Variants in KCTD8 observed in about 807,000 individuals in gnomAD.
KCTD8 encodes the protein potassium channel tetramerization domain containing 8, also known as BTB/POZ domain-containing protein KCTD8.
Under a neutral mutation model 31.5 loss-of-function variants are expected in KCTD8, and 27 were observed. The ratio of observed to expected loss-of-function variants is 0.86; its 90% confidence interval spans 0.63 to 1.18. The LOEUF is 1.18. Ranked by LOEUF, KCTD8 falls within the 50% of genes most tolerant of loss-of-function variation. KCTD8 has a pLI of 0.00. For missense variants in KCTD8, 658 were observed against 647.7 expected (o/e 1.02, Z -0.17); for synonymous variants, 290 against 280.0 (o/e 1.04, Z -0.36).
chr4:44,321,795 G>C (rs1161560318), intron 1 of KCTD8, among the ~76,000 whole-genome samples: 3 of 151,802 alleles, frequency 2.0e-5, no homozygotes, highest in African/African-American at 7.3e-5. Context: ...TACCTTTCTA[G>C]TCTCTACCTC....
At chr4:44,254,223 G>C (rs1376259706) in intron 1 of KCTD8, among the ~76,000 whole-genome samples, 1 of 151,878 alleles carries the variant, frequency 6.6e-6, no homozygotes, top group Admixed American at 6.6e-5. Context: ...GCAGAATCTA[G>C]AGGAAACATT....
At chr4:44,368,506 G>A (rs1719699502) in intron 1 of KCTD8, among the ~76,000 whole-genome samples, 1 of 152,196 alleles carries the variant, frequency 6.6e-6, no homozygotes, top group Admixed American at 6.5e-5. Context: ...GGTGAGATTA[G>A]GTGGAGGACC....
At chr4:44,305,720 T>C (rs1041879995) in intron 1 of KCTD8, among the ~76,000 whole-genome samples, 3 of 151,884 alleles carry the variant, frequency 2.0e-5, no homozygotes, top group African/African-American at 7.2e-5. Flanking sequence ...TGATATAGTA[T>C]ATGTGTGTAT....
In KCTD8 at chr4:44,447,014, C is replaced by T. The variant is rs562180213; in HGVS notation, c.961+549G>A. 1.1e-3 allele frequency among the ~76,000 whole-genome samples: 168 copies of T among 152,338 alleles called. 1 individual carries two copies. The highest frequency in any genetic ancestry group is 3.8e-3 in the African/African-American group (160 of 41,588). On this transcript the variant is annotated intron_variant, in intron 1 of 1. Coordinates refer to ENST00000360029, the MANE Select transcript of KCTD8 (RefSeq NM_198353.3). Reference sequence around the variant, plus strand: ...AGGGGCTCTGGGGGCACCTTTATCGCTTCTCCCCTGCCCTCTAGAAAACCA... The same window carrying T: ...AGGGGCTCTGGGGGCACCTTTATCGTTTCTCCCCTGCCCTCTAGAAAACCA...
intron 1 of KCTD8, among the ~76,000 whole-genome samples, chr4:44,312,750 T>A (rs1717991757): frequency 6.6e-6 from 1 of 152,200 alleles, no homozygotes; most frequent in Non-Finnish European, 1.5e-5. Context: ...TTTGTTGATA[T>A]TTTATACAGG....
chr4:44,254,835 A>T (rs1475039295), intron 1 of KCTD8, among the ~76,000 whole-genome samples: 1 of 151,870 alleles, frequency 6.6e-6, no homozygotes, highest in Non-Finnish European at 1.5e-5. Context: ...ACAGTCTGGT[A>T]TCATTTATTT....
chr4:44,382,380 C>T (rs1720090673), intron 1 of KCTD8, among the ~76,000 whole-genome samples: 2 of 151,858 alleles, frequency 1.3e-5, no homozygotes, highest in South Asian at 2.1e-4. Flanking sequence ...TATGACAAAC[C>T]CATGTTTAAC....
chr4:44,316,126 A>T (rs1718101584), intron 1 of KCTD8, among the ~76,000 whole-genome samples: 1 of 151,766 alleles, frequency 6.6e-6, no homozygotes, highest in African/African-American at 2.4e-5. Context: ...TTTCTGTCCA[A>T]ATTCTGTCAA....
chr4:44,319,684 G>A lies in KCTD8; in HGVS notation c.961+127879C>T, dbSNP rs1718237850. The stretch of plus-strand genomic sequence containing the variant: ...AGATGAGAAAATCTCAGAAAGGAAA[G>A]AAAAGAATCTGGAATTTGGAATGCC... On this transcript the variant is annotated intron_variant, in intron 1 of 1. Coordinates refer to ENST00000360029, the MANE Select transcript of KCTD8 (RefSeq NM_198353.3). Among the ~76,000 whole-genome samples, 5 of 152,116 alleles carry A rather than the reference G, an allele frequency of 3.3e-5. No homozygotes were observed. The South Asian group carries it at 1.0e-3, about 31-fold the overall frequency.
At chr4:44,406,889 C>T (rs1720810589) in intron 1 of KCTD8, among the ~76,000 whole-genome samples, 1 of 152,136 alleles carries the variant, frequency 6.6e-6, no homozygotes. Flanking sequence ...TTTAAAACTT[C>T]AAATCGGATA....
chr4:44,385,106 T>G (rs1720176037), intron 1 of KCTD8, among the ~76,000 whole-genome samples: 1 of 151,672 alleles, frequency 6.6e-6, no homozygotes, highest in Non-Finnish European at 1.5e-5. Context: ...TTTCATGGAT[T>G]GGAAGACGTA....
At chr4:44,397,493 A>G (rs1049554102) in intron 1 of KCTD8, among the ~76,000 whole-genome samples, 10 of 152,148 alleles carry the variant, frequency 6.6e-5, no homozygotes, top group Non-Finnish European at 5.9e-5. Context: ...ACACATATAA[A>G]CATACATACA....
intron 1 of KCTD8, among the ~76,000 whole-genome samples, chr4:44,187,996 T>G (rs1361131008): frequency 6.7e-6 from 1 of 150,074 alleles, no homozygotes; most frequent in Admixed American, 6.6e-5. Flanking sequence ...CACACATATA[T>G]ATATACATGC....
chr4:44,397,015 A>G (rs967453193), intron 1 of KCTD8, among the ~76,000 whole-genome samples: 2 of 152,154 alleles, frequency 1.3e-5, no homozygotes, highest in African/African-American at 4.8e-5. Flanking sequence ...TAGGGACACT[A>G]GGACCTCAAT....
intron 1 of KCTD8, among the ~76,000 whole-genome samples, chr4:44,404,016 G>GC (rs1347085388): frequency 6.6e-6 from 1 of 151,854 alleles, no homozygotes; most frequent in Non-Finnish European, 1.5e-5. Context: ...TTTAAAGAGA[G>GC]CCCTCTGATA....
intron 1 of KCTD8, among the ~76,000 whole-genome samples, chr4:44,291,971 A>C (rs924523082): frequency 2.6e-5 from 4 of 151,464 alleles, no homozygotes; most frequent in Admixed American, 6.6e-5. Flanking sequence ...AAAAAAAAAA[A>C]AAAAAAAAAA....
At chr4:44,443,694 G>A (rs2109486216) in intron 1 of KCTD8, among the ~76,000 whole-genome samples, 1 of 152,266 alleles carries the variant, frequency 6.6e-6, no homozygotes, top group South Asian at 2.1e-4. Context: ...AAAATATGGA[G>A]TTCAAAACTT....
At chr4:44,414,246 T>C (rs1490266956) in intron 1 of KCTD8, among the ~76,000 whole-genome samples, 1 of 151,842 alleles carries the variant, frequency 6.6e-6, no homozygotes, top group Non-Finnish European at 1.5e-5. Flanking sequence ...TTATTAAGCA[T>C]CAACCAAGAA....
intron 1 of KCTD8, among the ~76,000 whole-genome samples, chr4:44,408,201 G>T (rs2109461618): frequency 6.6e-6 from 1 of 152,242 alleles, no homozygotes; most frequent in South Asian, 2.1e-4. Context: ...TATACCCAAT[G>T]AAAGACTAAA....
Sources: gnomAD v4.1 joint callset for allele counts (sites outside exome capture counted in the v4.1 genomes callset) on GRCh38, gnomAD v4.1.1 for gene constraint, MANE v1.5 for transcripts, NCBI Gene and HGNC (gene_info 2026-07-23, HGNC 2026-07-21) for gene names.